The following WDFY2 variants were observed in gnomAD, a reference collection of about 807,000 sequenced individuals.
WDFY2 encodes WD repeat and FYVE domain containing 2, also known as WD repeat and FYVE domain-containing protein 2.
WDFY2 carries 36 observed loss-of-function variants against 56.4 expected under a neutral mutation model. The observed-to-expected ratio is 0.64, with a 90% CI of 0.49 to 0.84. WDFY2 has a LOEUF of 0.84. WDFY2 is among the 40% of genes least tolerant of loss of function. The pLI is 0.00. For missense variants in WDFY2, 444 were observed against 512.2 expected, an observed-to-expected ratio of 0.87 and a Z score of 1.29; for synonymous variants, 176 against 183.7, an observed-to-expected ratio of 0.96 and a Z score of 0.34.
At chr13:51,641,033 C>T (rs543226407) in intron 1 of WDFY2, among the ~76,000 whole-genome samples, 3 of 152,252 alleles carry the variant, frequency 2.0e-5, no homozygotes, top group South Asian at 2.1e-4. Context: ...TCTAAAACCA[C>T]GTTCTATCCA....
chr13:51,590,101 A>G (rs1212407703), intron 1 of WDFY2: 1 of 152,178 alleles, frequency 6.6e-6, no homozygotes, highest in Non-Finnish European at 1.5e-5. Context: ...CTGTTTTTAT[A>G]TTATTAAACC....
intron 1 of WDFY2, among the ~76,000 whole-genome samples, chr13:51,655,661 T>C (rs1276111575): frequency 6.6e-6 from 1 of 152,188 alleles, no homozygotes; most frequent in Admixed American, 6.5e-5. Flanking sequence ...GTGGTATCTT[T>C]GTCCAGCTTT....
chr13:51,620,386 G>A (rs903538331), intron 1 of WDFY2, among the ~76,000 whole-genome samples: 2 of 152,034 alleles, frequency 1.3e-5, no homozygotes, highest in Non-Finnish European at 2.9e-5. Flanking sequence ...AGACTGTGGC[G>A]GGTCCTTGCC....
chr13:51,746,349 T>G (rs1953104217), intron 7 of WDFY2, among the ~76,000 whole-genome samples: 1 of 152,350 alleles, frequency 6.6e-6, no homozygotes, highest in East Asian at 1.9e-4. Context: ...AACAGTTGAA[T>G]TCCTCAAAGT....
chr13:51,662,232 A>G (rs1400466048), intron 2 of WDFY2, among the ~76,000 whole-genome samples: 1 of 152,106 alleles, frequency 6.6e-6, no homozygotes, highest in Non-Finnish European at 1.5e-5. Context: ...CGGCCTCCCA[A>G]AGTGCTTACA....
In WDFY2 at chr13:51,631,671, G is replaced by T. The variant is rs372747952; in HGVS notation, c.138-28925G>T. ...ATGCTTTCAACTTACAATGTTGAAA[G>T]CATAATTTGCATTATGATTTCAACA... On this transcript the variant is annotated intron_variant, in intron 1 of 11. Transcript: ENST00000298125. Among the ~76,000 whole-genome samples the T allele has an allele frequency of 5.5e-3, 844 of 152,182 alleles. 1 individual carries two copies. The highest frequency in any genetic ancestry group is 0.014 in the Middle Eastern group (4 of 294).
intron 7 of WDFY2, among the ~76,000 whole-genome samples, chr13:51,745,109 T>C (rs1953064119): frequency 6.6e-6 from 1 of 152,224 alleles, no homozygotes; most frequent in Non-Finnish European, 1.5e-5. Flanking sequence ...AGATCATTGA[T>C]GTGTATCAAG....
chr13:51,763,774 GGCAGCAGA>G lies in WDFY2; in HGVS notation c.*4009_*4016del, dbSNP rs2138816769. 6.6e-6 allele frequency: 1 copy of G among 152,306 alleles called. No homozygotes were observed. Among genetic ancestry groups the G allele is most frequent in the South Asian group, 2.1e-4 (1 of 4,826 alleles). 9.4% of individuals were successfully genotyped at this position (152,306 alleles called of 1,614,324 possible). A position where few individuals can be genotyped will look rare whatever the true frequency, so the allele number is the denominator to read the frequency against. ...GATTGCACTACTGCAGTCCAGCCTG[GGCAGCAGA>G]GCAAGGCCCTGAATAAATAAACAAA... On this transcript the variant is annotated 3_prime_UTR_variant, in exon 12 of 12. Transcript: ENST00000298125.
intron 7 of WDFY2, among the ~76,000 whole-genome samples, chr13:51,746,171 A>G (rs972467935): frequency 2.0e-5 from 3 of 151,836 alleles, no homozygotes; most frequent in African/African-American, 7.3e-5. Flanking sequence ...TAGTAGAGAC[A>G]GGGTTTCTCC....
chr13:51,624,179 G>T (rs1292390789), intron 1 of WDFY2, among the ~76,000 whole-genome samples: 1 of 152,228 alleles, frequency 6.6e-6, no homozygotes, highest in African/African-American at 2.4e-5. Flanking sequence ...GCTGGATTCT[G>T]ATAGAGTCTG....
intron 6 of WDFY2, among the ~76,000 whole-genome samples, chr13:51,728,533 A>T (rs2138657430): frequency 6.6e-6 from 1 of 152,310 alleles, no homozygotes; most frequent in Non-Finnish European, 1.5e-5. Flanking sequence ...ACCAGCTACA[A>T]ACCCATGATT....
intron 6 of WDFY2, among the ~76,000 whole-genome samples, chr13:51,732,506 A>G (rs929668907): frequency 4.6e-5 from 7 of 152,240 alleles, no homozygotes; most frequent in Admixed American, 3.3e-4. Context: ...ATTAGCATGA[A>G]CATATTTGAA....
chr13:51,698,004 A>G (rs1158903349), intron 3 of WDFY2, among the ~76,000 whole-genome samples: 5 of 152,230 alleles, frequency 3.3e-5, no homozygotes, highest in Non-Finnish European at 7.3e-5. Context: ...AAAATGCTTT[A>G]TAAATAATAA....
intron 1 of WDFY2, chr13:51,599,606 G>C (rs1954226860): frequency 6.6e-6 from 1 of 152,210 alleles, no homozygotes; most frequent in Non-Finnish European, 1.5e-5. Flanking sequence ...GTTTCATGTA[G>C]TGAGAGAACT....
intron 1 of WDFY2, 26 bp downstream of exon 1, chr13:51,584,850 G>T: frequency 1.2e-6 from 2 of 1,611,584 alleles, no homozygotes; most frequent in South Asian, 2.2e-5. Flanking sequence ...ATTCGGCCGC[G>T]AGGAGGGGCG....
At chr13:51,719,735 A>T (rs1036398365) in intron 5 of WDFY2, among the ~76,000 whole-genome samples, 1 of 152,214 alleles carries the variant, frequency 6.6e-6, no homozygotes, top group Non-Finnish European at 1.5e-5. Flanking sequence ...AAAGTTGTGA[A>T]CATTCCCATT....
At chr13:51,756,893 A>G (rs756057375) in intron 10 of WDFY2, among the ~76,000 whole-genome samples, 1 of 152,206 alleles carries the variant, frequency 6.6e-6, no homozygotes, top group Admixed American at 6.5e-5. Context: ...CCAAGAGGCA[A>G]ATATTCCCAG....
intron 7 of WDFY2, among the ~76,000 whole-genome samples, chr13:51,746,516 T>C (rs1953108311): frequency 6.6e-6 from 1 of 152,240 alleles, no homozygotes; most frequent in African/African-American, 2.4e-5. Context: ...TCAATGAGCA[T>C]CATTCTCACA....
intron 7 of WDFY2, among the ~76,000 whole-genome samples, chr13:51,741,579 G>A (rs1227913629): frequency 2.0e-5 from 3 of 152,158 alleles, no homozygotes; most frequent in Non-Finnish European, 4.4e-5. Flanking sequence ...CAGGCAGGCA[G>A]GGAACAACTT....
Sources: allele counts gnomAD v4.1 joint callset (sites outside exome capture counted in the v4.1 genomes callset), GRCh38; gene constraint gnomAD v4.1.1; transcripts MANE v1.5; gene names NCBI Gene and HGNC (gene_info 2026-07-23, HGNC 2026-07-21).